SNTB2: variants seen among roughly 807,000 people sequenced by gnomAD.
The protein encoded by SNTB2 is syntrophin beta 2.
SNTB2 carries 34 observed loss-of-function variants against 46.2 expected under a neutral mutation model. The ratio of observed to expected loss-of-function variants is 0.74; its 90% CI spans 0.56 to 0.98. The LOEUF (loss-of-function observed/expected upper bound fraction) is 0.98. Among genes scored for constraint, SNTB2 ranks in the 50% least tolerant of loss-of-function variants. The pLI is 0.00. For missense variants in SNTB2, 603 were observed against 731.4 expected (o/e 0.82, Z 2.02); for synonymous variants, 290 against 312.6 (o/e 0.93, Z 0.76).
intron 1 of SNTB2, among the ~76,000 whole-genome samples, chr16:69,214,778 C>G (rs147946464): frequency 6.6e-6 from 1 of 151,918 alleles, no homozygotes; most frequent in Non-Finnish European, 1.5e-5. Context: ...CCACCCATCT[C>G]AGCCTCCCAC....
intron 1 of SNTB2, among the ~76,000 whole-genome samples, chr16:69,227,051 C>T (rs1017219760): frequency 6.6e-6 from 1 of 152,186 alleles, no homozygotes; most frequent in Non-Finnish European, 1.5e-5. Flanking sequence ...CAAATATTCA[C>T]AAGCACATAG....
intron 1 of SNTB2, among the ~76,000 whole-genome samples, chr16:69,239,057 GT>G (rs1321689535): frequency 6.6e-6 from 1 of 151,990 alleles, no homozygotes; most frequent in Non-Finnish European, 1.5e-5. Flanking sequence ...GTTACTCTGG[GT>G]CTCCTTACTG....
Position 69,284,137 on chromosome 16 carries a change from A to C in SNTB2, c.1238A>C (p.Glu413Ala), listed in dbSNP as rs199732656. The change falls in exon 5 of 7, where the codon GAG (glutamate) becomes GCG (alanine). Residue 413 changes from glutamate to alanine, a missense_variant. Glu to Ala is a moderately radical substitution (Grantham distance 107, BLOSUM62 -1). Coordinates refer to ENST00000336278, the MANE Select transcript of SNTB2 (RefSeq NM_006750.4). ...AGGACAGGCTCTCGACAGGGCATTGAGATGCATCTCTTCAGGGTGGAGACA... is the reference window on the plus strand; with the variant it reads ...AGGACAGGCTCTCGACAGGGCATTGCGATGCATCTCTTCAGGGTGGAGACA... ...ATRTGSRQGI[E>A]MHLFRVETHR... 1.4e-5 allele frequency: 23 copies of C among 1,613,902 alleles called. No homozygotes were observed. The African/African-American group carries it at 3.1e-4, about 22-fold the overall frequency.
chr16:69,242,893 C>T (rs927354529), intron 1 of SNTB2, among the ~76,000 whole-genome samples: 6 of 151,922 alleles, frequency 3.9e-5, no homozygotes, highest in African/African-American at 1.2e-4. Context: ...TGGTGGCGGG[C>T]GCCTGTAGTC....
intron 4 of SNTB2, among the ~76,000 whole-genome samples, chr16:69,273,358 G>A (rs1367855664): frequency 6.6e-5 from 10 of 152,228 alleles, no homozygotes; most frequent in Non-Finnish European, 4.4e-5. Flanking sequence ...AATGGATAAA[G>A]TGTGACATAT....
rs924391286 is a variant in SNTB2, at chr16:69,308,825, T to C, written c.*7901T>C. The C allele has an allele frequency of 2.0e-5, 3 of 152,244 alleles. No homozygotes were observed. The highest frequency in any genetic ancestry group is 4.8e-5 in the African/African-American group (2 of 41,448). The allele number at this position is 152,244 out of a possible 1,614,324, so 9.4% of individuals were successfully genotyped here. On this transcript the variant is annotated 3_prime_UTR_variant, in exon 7 of 7. Transcript: ENST00000336278. ...AGTCTCAGATCTTCTGGATACCAAATCAAAAACCCAACGCGTAAAACAGGG... is the reference window on the plus strand; with the variant it reads ...AGTCTCAGATCTTCTGGATACCAAACCAAAAACCCAACGCGTAAAACAGGG...
chr16:69,235,851 A>G (rs1426088282), intron 1 of SNTB2: 1 of 1,289,170 alleles, frequency 7.8e-7, no homozygotes. Flanking sequence ...TGAACCCGTT[A>G]GCTACCACTT....
At chr16:69,248,094 G>A (rs1389967842) in intron 2 of SNTB2, among the ~76,000 whole-genome samples, 2 of 152,308 alleles carry the variant, frequency 1.3e-5, no homozygotes, top group Non-Finnish European at 2.9e-5. Context: ...CTGCACTGTA[G>A]CCTGGGTGAC....
At chr16:69,235,505 G>A (rs1163302695) in intron 1 of SNTB2, among the ~76,000 whole-genome samples, 2 of 152,156 alleles carry the variant, frequency 1.3e-5, no homozygotes, top group Non-Finnish European at 2.9e-5. Context: ...GTGGAGAAAG[G>A]TGGAGTTTTT....
In SNTB2 at chr16:69,259,602, CT is replaced by C. The variant is rs746479723; in HGVS notation, c.795-429del. On this transcript the variant is annotated intron_variant, in intron 2 of 6. Coordinates refer to ENST00000336278, the MANE Select transcript of SNTB2 (RefSeq NM_006750.4). ...ACTCTAGGGAATTAAGAGAAAGTAT[CT>C]TTTTTTTTTTTTTTTTTTGAGACGG... 8.6e-3 allele frequency among the ~76,000 whole-genome samples: 1,032 copies of C among 120,604 alleles called. 11 individuals carry two copies. The highest frequency in any genetic ancestry group is 0.024 in the African/African-American group (788 of 32,648). The allele number at this position is 120,604 out of a possible 152,430, so 79.1% of individuals were successfully genotyped here. A position where few individuals can be genotyped will look rare whatever the true frequency, so the allele number is the denominator to read the frequency against.
Position 69,217,271 on chromosome 16 carries a change from C to T in SNTB2, c.581-28331C>T, listed in dbSNP as rs1357546549. Among the ~76,000 whole-genome samples, 3 of 152,022 alleles carry T rather than the reference C, an allele frequency of 2.0e-5. 1 individual carries two copies. The highest frequency in any genetic ancestry group is 4.4e-5 in the Non-Finnish European group (3 of 68,016). On this transcript the variant is annotated intron_variant, in intron 1 of 6. Transcript: ENST00000336278. ...GGCAGATTACTTGAGCCCAGGAGTT[C>T]GTGACCAGCCTGGGCAACATGGTGA...
Position 69,187,583 on chromosome 16 carries a change from G to T in SNTB2, c.417G>T (p.Pro139=), listed in dbSNP as rs1329210633. ...SIKGGRENRM[P]ILISKIFPGL... ...AGGGCGGCCGCGAGAACCGGATGCCGATCCTCATCTCCAAGATCTTCCCCG... is the reference window on the plus strand; with the variant it reads ...AGGGCGGCCGCGAGAACCGGATGCCTATCCTCATCTCCAAGATCTTCCCCG... The change falls in exon 1 of 7, where the codon CCG becomes CCT. Residue 139 remains proline, a synonymous_variant. Coordinates refer to ENST00000336278, the MANE Select transcript of SNTB2 (RefSeq NM_006750.4). 4 of 1,535,940 alleles carry T rather than the reference G, an allele frequency of 2.6e-6. No individual in the cohort carries two copies. In the Admixed American group the frequency reaches 6.2e-5, roughly 24 times the overall value.
rs146815561 is a variant in SNTB2 at position 69,192,036 on chromosome 16, G to A, written c.580+4290G>A. 1.6e-4 allele frequency among the ~76,000 whole-genome samples: 25 copies of A among 152,312 alleles called. No individual in the cohort carries two copies. In the East Asian group the frequency reaches 4.4e-3, roughly 27 times the overall value. ...AGAGTGAGAGGTTGAAGAGATAGAA[G>A]AGGTGGGAAACTGATGCAATTCATT... is the stretch of plus-strand genomic sequence containing the variant. On this transcript the variant is annotated intron_variant, in intron 1 of 6. Coordinates refer to ENST00000336278, the MANE Select transcript of SNTB2 (RefSeq NM_006750.4).
At chr16:69,263,420 C>CTT (rs533404729) in intron 3 of SNTB2, among the ~76,000 whole-genome samples, 2 of 130,234 alleles carry the variant, frequency 1.5e-5, no homozygotes. Flanking sequence ...TGGGTATGTT[C>CTT]TTTTTTTTTT....
chr16:69,236,919 G>C (rs769549808), intron 1 of SNTB2, among the ~76,000 whole-genome samples: 21 of 152,182 alleles, frequency 1.4e-4, no homozygotes, highest in Non-Finnish European at 2.4e-4. Flanking sequence ...ATAAAATACA[G>C]AAGAGTGTGC....
At chr16:69,245,032 TAA>T (rs1356853710) in intron 1 of SNTB2, among the ~76,000 whole-genome samples, 2 of 152,178 alleles carry the variant, frequency 1.3e-5, no homozygotes, top group African/African-American at 2.4e-5. Context: ...GAAGAGAGAT[TAA>T]GTTTGTTCTA....
chr16:69,192,931 A>G (rs1964068699), intron 1 of SNTB2, among the ~76,000 whole-genome samples: 2 of 151,794 alleles, frequency 1.3e-5, no homozygotes, highest in African/African-American at 2.4e-5. Context: ...GTGAAATGCA[A>G]TTTTCTTTTT....
intron 2 of SNTB2, among the ~76,000 whole-genome samples, chr16:69,254,348 G>A (rs1567407961): frequency 1.3e-5 from 2 of 152,232 alleles, no homozygotes; most frequent in African/African-American, 4.8e-5. Context: ...TCTCCAACAT[G>A]GATTGGCTGG....
At chr16:69,280,687 G>A (rs1248197648) in intron 4 of SNTB2, among the ~76,000 whole-genome samples, 1 of 152,184 alleles carries the variant, frequency 6.6e-6, no homozygotes, top group Non-Finnish European at 1.5e-5. Flanking sequence ...TTTTTAACTG[G>A]GTGGTTTTCT....
Sources: gnomAD v4.1 joint callset for allele counts (sites outside exome capture counted in the v4.1 genomes callset) on GRCh38, gnomAD v4.1.1 for gene constraint, MANE v1.5 for transcripts, NCBI Gene and HGNC (gene_info 2026-07-23, HGNC 2026-07-21) for gene names.